The following MCHR2 variants were observed in gnomAD, a reference collection of about 807,000 sequenced individuals.
MCHR2 encodes melanin concentrating hormone receptor 2, also known as melanin-concentrating hormone receptor 2.
Under a neutral mutation model 24.8 loss-of-function variants are expected in MCHR2, and 15 were observed. That is an observed-to-expected ratio of 0.60 (90% CI 0.40 to 0.93). The LOEUF (loss-of-function observed/expected upper bound fraction) is 0.93. Among genes scored for constraint, MCHR2 ranks in the 40% least tolerant of loss-of-function variants. The probability of loss-of-function intolerance (pLI) is 0.00; values close to 1 mark genes in which losing one functional copy is unlikely to be tolerated. For synonymous variants in MCHR2, 151 were observed against 147.6 expected (o/e 1.02, Z -0.17); for missense variants, 386 against 408.7 (o/e 0.94, Z 0.48).
intron 1 of MCHR2, among the ~76,000 whole-genome samples, chr6:99,993,234 A>T (rs1775919461): frequency 6.6e-6 from 1 of 152,172 alleles, no homozygotes; most frequent in Non-Finnish European, 1.5e-5. Flanking sequence ...AGGCTGTCAG[A>T]AGCCCCAGCT....
At chr6:99,932,237 A>G (rs1369370683) in intron 5 of MCHR2, among the ~76,000 whole-genome samples, 3 of 152,212 alleles carry the variant, frequency 2.0e-5, no homozygotes, top group Non-Finnish European at 4.4e-5. Context: ...GAGACCAAAT[A>G]AATAACAAAG....
chr6:99,971,450 G>A (rs1170053680), intron 1 of MCHR2, among the ~76,000 whole-genome samples: 6 of 152,154 alleles, frequency 3.9e-5, no homozygotes, highest in Non-Finnish European at 8.8e-5. Flanking sequence ...TCAGCTTAAG[G>A]AGATTTTGGG....
intron 1 of MCHR2, among the ~76,000 whole-genome samples, chr6:99,965,683 C>G (rs1775284238): frequency 6.6e-6 from 1 of 151,916 alleles, no homozygotes; most frequent in African/African-American, 2.4e-5. Context: ...GTTTTTTAAG[C>G]ACTTCTATAA....
At chr6:99,929,782 C>G (rs1220485451) in intron 5 of MCHR2, among the ~76,000 whole-genome samples, 1 of 151,038 alleles carries the variant, frequency 6.6e-6, no homozygotes, top group Non-Finnish European at 1.5e-5. Context: ...TGCATCTTGA[C>G]TCTTTATCCA....
In MCHR2 at chr6:99,956,186, T is replaced by C. The variant is rs199939491; in HGVS notation, c.-27-12A>G. Reference sequence around the variant, plus strand: ...TCCAGGGATTAAAGCTGTGAAGTAATAGGAAGTGATTTATTTAGTGAACAT... The same window carrying C: ...TCCAGGGATTAAAGCTGTGAAGTAACAGGAAGTGATTTATTTAGTGAACAT... On this transcript the variant is annotated splice_polypyrimidine_tract_variant and intron_variant, in intron 1 of 5. Transcript: ENST00000281806. The C allele has an allele frequency of 9.2e-6, 14 of 1,524,064 alleles. No homozygotes were observed. Among genetic ancestry groups the C allele is most frequent in the Non-Finnish European group, 9.8e-6 (11 of 1,119,498 alleles). 94.4% of individuals were successfully genotyped at this position (1,524,064 alleles called of 1,614,324 possible).
rs1774168920 is a variant in MCHR2, at chr6:99,918,863, A to G, written c.*2077T>C. ...TTACAACTCTTAGTAAATATAATTT[A>G]AAATAATTCACTGGCCAATTATTTG... On this transcript the variant is annotated 3_prime_UTR_variant, in exon 6 of 6. Coordinates refer to ENST00000281806, the MANE Select transcript of MCHR2 (RefSeq NM_001040179.2). Among the ~76,000 whole-genome samples, 1 of 152,208 alleles carries G rather than the reference A, an allele frequency of 6.6e-6. No homozygotes were observed. The highest frequency in any genetic ancestry group is 2.4e-5 in the African/African-American group (1 of 41,458).
At chr6:99,947,715 C>A in intron 3 of MCHR2, 47 bp downstream of exon 3, 2 of 1,573,262 alleles carry the variant, frequency 1.3e-6, no homozygotes, top group Non-Finnish European at 1.7e-6. Context: ...TGGGGAAGCA[C>A]AGGCACCTCT....
In MCHR2 at chr6:99,918,774, C is replaced by CA. The variant is rs1195869635; in HGVS notation, c.*2165dup. ...TGCATAGAAACGCTATATAAAGGGA[C>CA]AAAAATAAATTTATTAATCACCCTT... On this transcript the variant is annotated 3_prime_UTR_variant, in exon 6 of 6. Coordinates refer to ENST00000281806, the MANE Select transcript of MCHR2 (RefSeq NM_001040179.2). Among the ~76,000 whole-genome samples, 3 of 152,164 alleles carry CA rather than the reference C, an allele frequency of 2.0e-5. No individual in the cohort carries two copies. Among genetic ancestry groups the CA allele is most frequent in the Non-Finnish European group, 4.4e-5 (3 of 67,992 alleles).
chr6:99,988,263 G>A (rs1208034149), intron 1 of MCHR2, among the ~76,000 whole-genome samples: 1 of 152,168 alleles, frequency 6.6e-6, no homozygotes, highest in East Asian at 1.9e-4. Flanking sequence ...TGACATCAGA[G>A]TCCAGGTCTT....
chr6:99,975,713 C>T (rs1562133498), intron 1 of MCHR2, among the ~76,000 whole-genome samples: 1 of 152,194 alleles, frequency 6.6e-6, no homozygotes, highest in Non-Finnish European at 1.5e-5. Flanking sequence ...GCCATCTTGG[C>T]TCCTGAGTAA....
intron 5 of MCHR2, among the ~76,000 whole-genome samples, chr6:99,930,905 G>A (rs1203909493): frequency 1.3e-5 from 2 of 152,202 alleles, no homozygotes; most frequent in Non-Finnish European, 2.9e-5. Context: ...CTTTGGTGGA[G>A]GAGAGGCGCT....
chr6:99,921,526 T>C (rs1774232365), intron 5 of MCHR2, among the ~76,000 whole-genome samples: 1 of 152,154 alleles, frequency 6.6e-6, no homozygotes, highest in Non-Finnish European at 1.5e-5. Flanking sequence ...ATTTATGGGG[T>C]AAATGAGATG....
chr6:99,990,428 G>A (rs905921573), intron 1 of MCHR2, among the ~76,000 whole-genome samples: 1 of 152,150 alleles, frequency 6.6e-6, no homozygotes, highest in Non-Finnish European at 1.5e-5. Flanking sequence ...ATGTGTGTGT[G>A]TGTATTCATT....
rs1282571735 is a variant in MCHR2 at position 99,942,250 on chromosome 6, C to A, written c.587+699G>T. 1.3e-5 allele frequency among the ~76,000 whole-genome samples: 2 copies of A among 152,124 alleles called. 1 individual carries two copies. The highest frequency in any genetic ancestry group is 4.1e-4 in the South Asian group (2 of 4,830). ...TAGACATCTGAAATCAAGGTGCTGG[C>A]AAATTTGGTTCTTCAGAGGCTCTGA... On this transcript the variant is annotated intron_variant, in intron 4 of 5. Coordinates refer to ENST00000281806, the MANE Select transcript of MCHR2 (RefSeq NM_001040179.2).
intron 1 of MCHR2, among the ~76,000 whole-genome samples, chr6:99,961,989 G>A (rs1310744217): frequency 6.6e-6 from 1 of 151,970 alleles, no homozygotes; most frequent in Non-Finnish European, 1.5e-5. Context: ...TTTTCTCATG[G>A]TATATCACAT....
At chr6:99,973,264 T>A (rs371062618) in intron 1 of MCHR2, among the ~76,000 whole-genome samples, 2 of 151,812 alleles carry the variant, frequency 1.3e-5, no homozygotes, top group African/African-American at 2.4e-5. Flanking sequence ...GGGTGCATAT[T>A]TATTTATGAT....
intron 1 of MCHR2, among the ~76,000 whole-genome samples, chr6:99,982,614 G>C (rs779682832): frequency 2.0e-5 from 3 of 151,778 alleles, no homozygotes; most frequent in African/African-American, 7.3e-5. Context: ...ACCCTAGCTT[G>C]GGCAACAGAG....
At chr6:99,977,575 G>T (rs1775576961) in intron 1 of MCHR2, among the ~76,000 whole-genome samples, 1 of 151,906 alleles carries the variant, frequency 6.6e-6, no homozygotes, top group Non-Finnish European at 1.5e-5. Flanking sequence ...CCATTGCATT[G>T]GTATAAAGGC....
chr6:99,975,549 C>G (rs1263370865), intron 1 of MCHR2, among the ~76,000 whole-genome samples: 1 of 152,254 alleles, frequency 6.6e-6, no homozygotes, highest in African/African-American at 2.4e-5. Flanking sequence ...CGCCCTGCTT[C>G]AGCTCGTGCA....
Sources: gnomAD v4.1 joint callset for allele counts (sites outside exome capture counted in the v4.1 genomes callset) on GRCh38, gnomAD v4.1.1 for gene constraint, MANE v1.5 for transcripts, NCBI Gene and HGNC (gene_info 2026-07-23, HGNC 2026-07-21) for gene names.